The following ANO10 variants were observed in gnomAD, a reference collection of about 807,000 sequenced individuals.
ANO10 encodes anoctamin-10.
In ANO10, 77 loss-of-function variants were observed where a neutral mutation model predicts 74.7. That is an observed-to-expected ratio of 1.03 (90% CI 0.86 to 1.25). The LOEUF (loss-of-function observed/expected upper bound fraction) is 1.25. Among genes scored for constraint, ANO10 ranks in the 50% most tolerant of loss-of-function variants. The probability of loss-of-function intolerance (pLI) is 0.00; values close to 1 mark genes in which losing one functional copy is unlikely to be tolerated. For missense variants in ANO10, 721 were observed against 778.1 expected (o/e 0.93, Z 0.87); for synonymous variants, 279 against 284.9 (o/e 0.98, Z 0.21).
At chr3:43,684,152 A>C (rs917241266) in intron 1 of ANO10, among the ~76,000 whole-genome samples, 2 of 152,202 alleles carry the variant, frequency 1.3e-5, no homozygotes, top group South Asian at 2.1e-4. Flanking sequence ...CAACCCACAG[A>C]ATGGGAGAAA....
intron 1 of ANO10, among the ~76,000 whole-genome samples, chr3:43,631,509 T>A (rs1183016281): frequency 6.6e-6 from 1 of 152,194 alleles, no homozygotes; most frequent in East Asian, 1.9e-4. Context: ...AATTAGGGTT[T>A]TACTATTAGC....
intron 12 of ANO10, among the ~76,000 whole-genome samples, chr3:43,367,772 C>G (rs908298961): frequency 2.0e-5 from 3 of 152,180 alleles, no homozygotes; most frequent in African/African-American, 7.2e-5. Flanking sequence ...CACTACAGCT[C>G]TGCCCTATTC....
chr3:43,404,138 G>A (rs866971636), intron 12 of ANO10, among the ~76,000 whole-genome samples: 1 of 152,162 alleles, frequency 6.6e-6, no homozygotes, highest in Non-Finnish European at 1.5e-5. Context: ...CTTAGTAAGT[G>A]AGCAGCCATT....
chr3:43,659,840 C>T (rs533443750), intron 1 of ANO10, among the ~76,000 whole-genome samples: 2 of 152,288 alleles, frequency 1.3e-5, no homozygotes, highest in East Asian at 1.9e-4. Flanking sequence ...CCGACAAACA[C>T]CTCATACAAC....
intron 12 of ANO10, among the ~76,000 whole-genome samples, chr3:43,408,348 T>A (rs2092611646): frequency 6.6e-6 from 1 of 152,262 alleles, no homozygotes; most frequent in South Asian, 2.1e-4. Flanking sequence ...TTAAGTTTCA[T>A]TATTCGTCCT....
Position 43,576,953 on chromosome 3 carries a change from C to T in ANO10, c.901G>A (p.Glu301Lys), listed in dbSNP as rs1009027652. The change falls in exon 6 of 13, where the codon GAG becomes AAG. Residue 301 changes from glutamate to lysine, a missense_variant. Physicochemically the swap from Glu to Lys is moderately conservative, Grantham distance 56. Coordinates refer to ENST00000292246, the MANE Select transcript of ANO10 (RefSeq NM_018075.5). ...TTGTAGCTGGGGTACAGAGGCTCCT[C>T]CTTCCCAGTGATGGAATTGATACCC... Reference protein sequence around the residue: ...VLGINSITGKEEPLYPSYKRQ... With the variant: ...VLGINSITGKKEPLYPSYKRQ... 1 of 1,614,006 alleles carries T rather than the reference C, an allele frequency of 6.2e-7. No homozygotes were observed.
At chr3:43,581,204 T>C (rs146311345) in intron 4 of ANO10, among the ~76,000 whole-genome samples, 2 of 152,346 alleles carry the variant, frequency 1.3e-5, no homozygotes, top group East Asian at 1.9e-4. Context: ...AAGAAAATGT[T>C]CAGTTCTTTT....
In ANO10 at chr3:43,523,293, C is replaced by T. The variant is rs139114199; in HGVS notation, c.1797+26427G>A. 1.6e-4 allele frequency among the ~76,000 whole-genome samples: 25 copies of T among 152,128 alleles called. No homozygotes were observed. In the East Asian group the frequency reaches 2.5e-3, roughly 15 times the overall value. ...TATTAAAGTGGAGAGAGGAGAGCAG[C>T]GGAAAGAGCTGCATGATTTCATGAA... On this transcript the variant is annotated intron_variant, in intron 11 of 12. Transcript: ENST00000292246.
chr3:43,619,396 T>C (rs1251275561), intron 1 of ANO10, among the ~76,000 whole-genome samples: 3 of 152,208 alleles, frequency 2.0e-5, no homozygotes, highest in African/African-American at 7.2e-5. Flanking sequence ...ACTAATAGAA[T>C]TGTATCAATG....
chr3:43,467,198 TA>T (rs2075663691), intron 11 of ANO10, among the ~76,000 whole-genome samples: 1 of 152,210 alleles, frequency 6.6e-6, no homozygotes, highest in Non-Finnish European at 1.5e-5. Context: ...AAATTTCTTA[TA>T]AAGTTAAATA....
intron 11 of ANO10, among the ~76,000 whole-genome samples, chr3:43,447,835 T>C (rs143073075): frequency 6.6e-6 from 1 of 152,232 alleles, no homozygotes; most frequent in African/African-American, 2.4e-5. Flanking sequence ...ACAATTGATG[T>C]ACCAATACTG....
At chr3:43,592,321 G>A (rs976483034) in intron 4 of ANO10, among the ~76,000 whole-genome samples, 7 of 152,236 alleles carry the variant, frequency 4.6e-5, no homozygotes, top group African/African-American at 1.2e-4. Context: ...CCTGACCACC[G>A]AGTAGCCTAA....
intron 12 of ANO10, among the ~76,000 whole-genome samples, chr3:43,413,483 A>G (rs1222824360): frequency 6.6e-6 from 1 of 151,684 alleles, no homozygotes. Flanking sequence ...GCTCCCTCTC[A>G]GTCCTGCTTG....
At chr3:43,617,403 C>T (rs2083165999) in intron 1 of ANO10, among the ~76,000 whole-genome samples, 2 of 152,038 alleles carry the variant, frequency 1.3e-5, no homozygotes, top group Non-Finnish European at 2.9e-5. Flanking sequence ...CACAGAGCAG[C>T]CAGGTTCCAC....
At chr3:43,527,548 C>T (rs1055437040) in intron 11 of ANO10, among the ~76,000 whole-genome samples, 1 of 151,986 alleles carries the variant, frequency 6.6e-6, no homozygotes, top group Admixed American at 6.6e-5. Flanking sequence ...ATACTCAAAA[C>T]CAAAAACAAA....
At chr3:43,387,854 C>T (rs1467404121) in intron 12 of ANO10, among the ~76,000 whole-genome samples, 3 of 152,178 alleles carry the variant, frequency 2.0e-5, no homozygotes, top group African/African-American at 7.2e-5. Flanking sequence ...TCCTGTGGTC[C>T]ACCCTGTGCT....
At chr3:43,622,479 A>G (rs938880120), upstream of ANO10, among the ~76,000 whole-genome samples, 3 of 152,142 alleles carry the variant, frequency 2.0e-5, no homozygotes, top group African/African-American at 7.2e-5. Context: ...CCAGAACCTA[A>G]TTTTCTGGTC....
intron 12 of ANO10, among the ~76,000 whole-genome samples, chr3:43,387,798 G>A (rs1211991928): frequency 6.6e-6 from 1 of 152,142 alleles, no homozygotes; most frequent in Non-Finnish European, 1.5e-5. Flanking sequence ...CCTTTCCTCT[G>A]ATGGTTTGGT....
chr3:43,463,706 C>A (rs1326436687), intron 11 of ANO10, among the ~76,000 whole-genome samples: 2 of 152,162 alleles, frequency 1.3e-5, no homozygotes. Flanking sequence ...AAGGGACTTG[C>A]CTTGTCTTGG....
Sources: allele counts gnomAD v4.1 joint callset (sites outside exome capture counted in the v4.1 genomes callset), GRCh38; gene constraint gnomAD v4.1.1; transcripts MANE v1.5; gene names NCBI Gene and HGNC (gene_info 2026-07-23, HGNC 2026-07-21).